NBPF8: variants seen among roughly 807,000 people sequenced by gnomAD.
NBPF8 encodes the protein NBPF member 8.
chr1:120,464,191 C>T (rs1292879889), intron 22 of NBPF8, among the ~76,000 whole-genome samples, 185 bp from the exon 21 acceptor site: 13 of 124,362 alleles, frequency 1.0e-4, no homozygotes, highest in African/African-American at 3.3e-4. Context: ...GTCTGTCTTT[C>T]TCTTTCATTC....
In NBPF8 at chr1:120,452,223, G is replaced by T; in HGVS notation, n.2181G>T. 7.1e-6 allele frequency: 9 copies of T among 1,274,902 alleles called. 1 individual carries two copies. The highest frequency in any genetic ancestry group is 1.0e-5 in the Non-Finnish European group (9 of 884,834). 79.0% of individuals were successfully genotyped at this position (1,274,902 alleles called of 1,614,324 possible). On this transcript the variant is annotated non_coding_transcript_exon_variant, in exon 13 of 25. Transcript: ENST00000583271. ...CCTCTCATTGAATGAGCATCTCCAGGCCCTCCTCACTCCGGATGAGCCGGA... is the reference window on the plus strand; with the variant it reads ...CCTCTCATTGAATGAGCATCTCCAGTCCCTCCTCACTCCGGATGAGCCGGA...
upstream of NBPF8, among the ~76,000 whole-genome samples, chr1:120,415,178 G>A (rs1244764756): frequency 4.6e-5 from 7 of 152,178 alleles, no homozygotes; most frequent in South Asian, 2.1e-4. Context: ...CGCGGGACGG[G>A]CGACCTGTGG....
chr1:120,460,244 A>T (rs1407905460), intron 17 of NBPF8, among the ~76,000 whole-genome samples: 5 of 152,186 alleles, frequency 3.3e-5, no homozygotes, highest in African/African-American at 9.7e-5. Flanking sequence ...AGAAAGCTTA[A>T]TATTGAAGTA....
upstream of NBPF8, chr1:120,434,053 T>C (rs1182039758): frequency 6.5e-6 from 1 of 154,818 alleles, no homozygotes; most frequent in East Asian, 1.9e-4. Context: ...AGGCTGTAGA[T>C]GGAGGTGTCC....
chr1:120,464,306 G>T (rs1661680046), intron 22 of NBPF8, 70 bp from the exon 21 acceptor site: 1 of 716,790 alleles, frequency 1.4e-6, no homozygotes, highest in Non-Finnish European at 2.5e-6. Flanking sequence ...TGCTACCCAT[G>T]AAACCTATTT....
intron 23 of NBPF8, 32 bp downstream of exon 21, chr1:120,464,580 C>A: frequency 1.3e-6 from 1 of 777,436 alleles, no homozygotes; most frequent in East Asian, 2.4e-5. Flanking sequence ...TGATAAGGAT[C>A]CACTGAGTCT....
chr1:120,456,648 TATGTGTGTCTCTGC>T, intron 16 of NBPF8, among the ~76,000 whole-genome samples: 1 of 141,396 alleles, frequency 7.1e-6, no homozygotes, highest in South Asian at 2.2e-4. Context: ...ATTTTGAGCC[TATGTGTGTCTCTGC>T]ATGTGAGATG....
At chr1:120,449,812 C>A (rs1661210060) in intron 11 of NBPF8, among the ~76,000 whole-genome samples, 1 of 152,174 alleles carries the variant, frequency 6.6e-6, no homozygotes, top group South Asian at 2.1e-4. Flanking sequence ...GCCCAACAGA[C>A]AAAGCTCTGT....
In NBPF8 at chr1:120,452,107, C is replaced by T. The variant is rs1439287468; in HGVS notation, n.2075-10C>T. 4 of 1,547,478 alleles carry T rather than the reference C, an allele frequency of 2.6e-6. No individual in the cohort carries two copies. Among genetic ancestry groups the T allele is most frequent in the Non-Finnish European group, 3.6e-6 (4 of 1,123,118 alleles). Reference sequence around the variant, plus strand: ...TCCACTCTTAAATTTTCTCTACCGTCTCACCTTAGGCAATATAAAGTCCTG... The same window carrying T: ...TCCACTCTTAAATTTTCTCTACCGTTTCACCTTAGGCAATATAAAGTCCTG... On this transcript the variant is annotated splice_polypyrimidine_tract_variant and intron_variant and non_coding_transcript_variant, in intron 12 of 24. Transcript: ENST00000583271.
chr1:120,417,818 C>A (rs1660471523), upstream of NBPF8, among the ~76,000 whole-genome samples: 1 of 146,456 alleles, frequency 6.8e-6, no homozygotes, highest in Admixed American at 6.9e-5. Flanking sequence ...CCAGGTTGGT[C>A]TCAAACTCTT....
Position 120,466,327 on chromosome 1 carries a change from G to C in NBPF8, n.3918G>C, listed in dbSNP as rs1163082114. On this transcript the variant is annotated non_coding_transcript_exon_variant, in exon 25 of 25. Transcript: ENST00000583271. ...CCATTTGGAAGCCCAGACATAGGAT[G>C]GGTCAGTGGGCATGGCTCTATTCCT... is the stretch of plus-strand genomic sequence containing the variant. 1.9e-5 allele frequency: 28 copies of C among 1,483,732 alleles called. No individual in the cohort carries two copies. The Admixed American group carries it at 2.8e-4, about 15-fold the overall frequency. The allele number at this position is 1,483,732 out of a possible 1,614,324, so 91.9% of individuals were successfully genotyped here.
chr1:120,433,662 G>C (rs1177069418), upstream of NBPF8: 1 of 198,776 alleles, frequency 5.0e-6, no homozygotes, highest in Non-Finnish European at 1.1e-5. Context: ...TCAGTACTGG[G>C]AACGCTGAAG....
At chr1:120,421,470 C>CCCTTCCTCCCTCTCTCCCTG (rs1660575189) in intron 1 of NBPF8, among the ~76,000 whole-genome samples, 1 of 149,800 alleles carries the variant, frequency 6.7e-6, no homozygotes, top group Non-Finnish European at 1.5e-5. Flanking sequence ...CTTTCTTCCT[C>CCCTTCCTCCCTCTCTCCCTG]CCTTCCTCCC....
At chr1:120,432,927 A>T (rs1477284592), upstream of NBPF8, 1 of 151,896 alleles carries the variant, frequency 6.6e-6, no homozygotes, top group African/African-American at 2.4e-5. Context: ...CATCATCTTA[A>T]TTTCTCCATA....
Position 120,454,033 on chromosome 1 carries a change from T to A in NBPF8, n.2487T>A. The A allele has an allele frequency of 3.1e-6, 5 of 1,612,864 alleles. No homozygotes were observed. The South Asian group carries it at 4.4e-5, about 14-fold the overall frequency. On this transcript the variant is annotated non_coding_transcript_exon_variant, in exon 15 of 25. Transcript: ENST00000583271. ...GCCACATAGGAAAACCAAAATCACA[T>A]TTGAGGAAGACAAAGTCGACTCAGC...
At chr1:120,420,420 C>A (rs1660541375) in intron 1 of NBPF8, among the ~76,000 whole-genome samples, 2 of 138,088 alleles carry the variant, frequency 1.4e-5, no homozygotes, top group Non-Finnish European at 3.1e-5. Flanking sequence ...CCCTCTTACC[C>A]CCCATTCTCT....
At position 120,465,168 on chromosome 1, in the gene NBPF8, G is replaced by A. The variant is rs1300997652; in HGVS notation, n.3460-95G>A. ...CACAGTGTCCTATTCTTATGCTGAG[G>A]AGCCTGAGGTCCCTGTGTGAGGATT... On this transcript the variant is annotated intron_variant and non_coding_transcript_variant, in intron 23 of 24. Coordinates refer to ENST00000583271, the Ensembl canonical transcript of NBPF8. The A allele has an allele frequency of 1.2e-4, 32 of 278,136 alleles. 3 individuals carry two copies. The highest frequency in any genetic ancestry group is 2.9e-4 in the South Asian group (12 of 41,454). The allele number at this position is 278,136 out of a possible 1,614,324, so 17.2% of individuals were successfully genotyped here. A position where few individuals can be genotyped will look rare whatever the true frequency, so the allele number is the denominator to read the frequency against.
At chr1:120,419,337 AC>A (rs1660510354), upstream of NBPF8, among the ~76,000 whole-genome samples, 1 of 152,224 alleles carries the variant, frequency 6.6e-6, no homozygotes, top group Non-Finnish European at 1.5e-5. Flanking sequence ...GACCAGATAG[AC>A]CAGTAGATGA....
At chr1:120,415,885 G>T (rs1184757683), upstream of NBPF8, among the ~76,000 whole-genome samples, 1 of 152,198 alleles carries the variant, frequency 6.6e-6, no homozygotes, top group Non-Finnish European at 1.5e-5. Flanking sequence ...CCCTGTATCT[G>T]TCTTTCTGGC....
Sources: allele counts gnomAD v4.1 joint callset (sites outside exome capture counted in the v4.1 genomes callset), GRCh38; gene constraint gnomAD v4.1.1; transcripts MANE v1.5; gene names NCBI Gene and HGNC (gene_info 2026-07-23, HGNC 2026-07-21).